NAV2: variants seen among roughly 807,000 people sequenced by gnomAD.
NAV2 encodes the protein helicase, APC down-regulated 1.
A neutral mutation model predicts 223.2 loss-of-function variants in NAV2; 54 were observed. The observed-to-expected ratio is 0.24, with a 90% CI of 0.19 to 0.30. The LOEUF is 0.30. Among genes scored for constraint, NAV2 ranks in the 10% least tolerant of loss-of-function variants. The pLI is 1.00. For synonymous variants in NAV2, 1,279 were observed against 1,239.3 expected (o/e 1.03, Z -0.67); for missense variants, 2,806 against 3,147.5 (o/e 0.89, Z 2.60).
Position 19,497,520 on chromosome 11 carries a change from G to C in NAV2, c.75+146493G>C, listed in dbSNP as rs557854969. Among the ~76,000 whole-genome samples, 3 of 152,224 alleles carry C rather than the reference G, an allele frequency of 2.0e-5. No individual in the cohort carries two copies. In the South Asian group the frequency reaches 6.2e-4, roughly 32 times the overall value. Reference sequence around the variant, plus strand: ...GGTCTAGTGTGTTTGCTATTCCTTGGCTTTTCATGGCCTCGCATTACCCAG... The same window carrying C: ...GGTCTAGTGTGTTTGCTATTCCTTGCCTTTTCATGGCCTCGCATTACCCAG... On this transcript the variant is annotated intron_variant, in intron 1 of 37. Transcript: ENST00000360655.
chr11:19,657,661 C>T (rs1427737584), intron 1 of NAV2, among the ~76,000 whole-genome samples: 1 of 152,142 alleles, frequency 6.6e-6, no homozygotes, highest in Non-Finnish European at 1.5e-5. Context: ...ATGTGGAGGG[C>T]CTTGAGGGAA....
At chr11:19,905,264 G>A (rs1261478784) in intron 6 of NAV2, among the ~76,000 whole-genome samples, 1 of 152,140 alleles carries the variant, frequency 6.6e-6, no homozygotes, top group African/African-American at 2.4e-5. Context: ...ATGCTCAGAG[G>A]CCATCAGAGA....
At chr11:19,588,156 C>A (rs1289574721) in intron 1 of NAV2, among the ~76,000 whole-genome samples, 1 of 152,230 alleles carries the variant, frequency 6.6e-6, no homozygotes, top group Non-Finnish European at 1.5e-5. Context: ...TCCTGGTCAA[C>A]TATTTCGGGC....
At chr11:19,461,558 G>T (rs1852161353) in intron 1 of NAV2, among the ~76,000 whole-genome samples, 1 of 152,138 alleles carries the variant, frequency 6.6e-6, no homozygotes, top group South Asian at 2.1e-4. Context: ...TGAGAACCTG[G>T]TATGCAACAG....
intron 1 of NAV2, among the ~76,000 whole-genome samples, chr11:19,448,344 C>T (rs1851663874): frequency 6.6e-6 from 1 of 152,194 alleles, no homozygotes. Flanking sequence ...GTGGCTGTTA[C>T]TTCTCAGCTC....
rs575028036 is a variant in NAV2 at position 19,381,389 on chromosome 11, T to C, written c.75+30362T>C. Reference sequence around the variant, plus strand: ...AAGGATTTATTTAATTACATAAATATTGAAGTGAATGAGTGAATGAATGAA... The same window carrying C: ...AAGGATTTATTTAATTACATAAATACTGAAGTGAATGAGTGAATGAATGAA... On this transcript the variant is annotated intron_variant, in intron 1 of 37. Coordinates refer to the NAV2 transcript ENST00000360655. 2.4e-4 allele frequency among the ~76,000 whole-genome samples: 36 copies of C among 152,330 alleles called. No homozygotes were observed. In the South Asian group the frequency reaches 6.6e-3, roughly 28 times the overall value.
chr11:19,712,313 C>T (rs911661489), upstream of NAV2: 6 of 152,260 alleles, frequency 3.9e-5, no homozygotes, highest in Non-Finnish European at 2.9e-5. Context: ...AAATGTGCAG[C>T]CTTTGAAAAC....
intron 1 of NAV2, among the ~76,000 whole-genome samples, chr11:19,569,359 C>G (rs1372895897): frequency 2.6e-5 from 4 of 152,310 alleles, no homozygotes; most frequent in Admixed American, 2.0e-4. Flanking sequence ...TCTATTGTCT[C>G]TCTTTCTCAC....
At chr11:19,717,909 C>T (rs571603743) in intron 1 of NAV2, among the ~76,000 whole-genome samples, 2 of 152,310 alleles carry the variant, frequency 1.3e-5, no homozygotes, top group East Asian at 3.9e-4. Context: ...GCCCCTAAGC[C>T]TGCTCTTCAT....
intron 3 of NAV2, among the ~76,000 whole-genome samples, chr11:19,862,699 A>C (rs1265623912): frequency 1.3e-5 from 2 of 152,204 alleles, no homozygotes; most frequent in Non-Finnish European, 1.5e-5. Flanking sequence ...GTGCATCTCC[A>C]GGACCACACT....
At chr11:19,714,363 T>C in intron 1 of NAV2, 1 of 475,664 alleles carries the variant, frequency 2.1e-6, no homozygotes. Context: ...GAGATTCTGT[T>C]CCGGACAAGG....
At chr11:19,939,192 A>G (rs2046193650) in intron 7 of NAV2, among the ~76,000 whole-genome samples, 1 of 152,160 alleles carries the variant, frequency 6.6e-6, no homozygotes, top group Non-Finnish European at 1.5e-5. Context: ...CCCACTTCCG[A>G]CTGGTTTTAT....
chr11:19,777,405 CTT>C (rs200083334), intron 1 of NAV2: 1,940 of 403,226 alleles, frequency 4.8e-3, no homozygotes, highest in East Asian at 9.0e-3. Flanking sequence ...GGTGCTTCGG[CTT>C]TTTTTTTTTT....
chr11:19,969,680 C>T (rs553426905), intron 10 of NAV2, among the ~76,000 whole-genome samples: 2 of 152,220 alleles, frequency 1.3e-5, no homozygotes, highest in African/African-American at 4.8e-5. Context: ...CAGTGGCTCA[C>T]ACCTGTAATC....
intron 1 of NAV2, among the ~76,000 whole-genome samples, chr11:19,685,573 T>C (rs1042316429): frequency 1.1e-4 from 16 of 152,136 alleles, no homozygotes; most frequent in African/African-American, 3.9e-4. Flanking sequence ...CAAAGATGAA[T>C]TTAGTGCTCA....
At chr11:19,485,906 C>G (rs1165385771) in intron 1 of NAV2, among the ~76,000 whole-genome samples, 3 of 152,018 alleles carry the variant, frequency 2.0e-5, no homozygotes, top group Non-Finnish European at 4.4e-5. Flanking sequence ...TTACAGTATA[C>G]AGGGAAAGCT....
chr11:19,439,559 A>G (rs1851327411), intron 1 of NAV2, among the ~76,000 whole-genome samples: 1 of 152,188 alleles, frequency 6.6e-6, no homozygotes. Flanking sequence ...GATAATATTG[A>G]CCTCACAGAG....
chr11:19,854,927 G>A (rs1403928902), intron 3 of NAV2, among the ~76,000 whole-genome samples: 1 of 152,118 alleles, frequency 6.6e-6, no homozygotes, highest in Admixed American at 6.5e-5. Context: ...AGGCAAGGTG[G>A]TCATGTTTCT....
rs116531907 is a variant in NAV2 at position 19,816,874 on chromosome 11, G to A, written c.268-15610G>A. On this transcript the variant is annotated intron_variant, in intron 1 of 37. Coordinates refer to ENST00000349880, the MANE Select transcript of NAV2 (RefSeq NM_145117.5). ...CAGGCCCTTCCGCCTCCCTCTTCAG[G>A]TGAAACCAGAGGAGGCTCCCACCAC... Among the ~76,000 whole-genome samples, 733 of 152,112 alleles carry A rather than the reference G, an allele frequency of 4.8e-3. 7 individuals are homozygous for A. Among genetic ancestry groups the A allele is most frequent in the African/African-American group, 0.017 (688 of 41,486 alleles).
Sources: allele counts gnomAD v4.1 joint callset (sites outside exome capture counted in the v4.1 genomes callset), GRCh38; gene constraint gnomAD v4.1.1; transcripts MANE v1.5; gene names NCBI Gene and HGNC (gene_info 2026-07-23, HGNC 2026-07-21).